PFKFB1: variants seen among roughly 807,000 people sequenced by gnomAD.
PFKFB1 encodes 6-phosphofructo-2-kinase/fructose-2,6-biphosphatase 1, also known as 6-phosphofructo-2-kinase/fructose-2,6-bisphosphatase 1.
In PFKFB1, 34 loss-of-function variants were observed where a neutral mutation model predicts 46.4. The ratio of observed to expected loss-of-function variants is 0.73; its 90% CI spans 0.56 to 0.98. The LOEUF is 0.98. Among genes scored for constraint, PFKFB1 ranks in the 50% least tolerant of loss-of-function variants. PFKFB1 has a pLI of 0.00. For synonymous variants in PFKFB1, 119 were observed against 133.8 expected, an observed-to-expected ratio of 0.89 and a Z score of 0.76; for missense variants, 393 against 376.3, an observed-to-expected ratio of 1.04 and a Z score of -0.37.
chrX:54,969,665 A>G (rs1934585495), intron 1 of PFKFB1, among the ~76,000 whole-genome samples: 1 of 112,180 alleles, frequency 8.9e-6, no homozygotes, highest in African/African-American at 3.2e-5. Context: ...TATTTACAAA[A>G]AATCTACAGC....
rs765578648 is a variant in PFKFB1, at chrX:54,933,848, G to A, written c.1329C>T (p.Ala443=). 1.9e-5 allele frequency: 23 copies of A among 1,207,895 alleles called. No homozygotes were observed. The highest frequency in any genetic ancestry group is 5.3e-5 in the African/African-American group (3 of 56,871). ...KVESIYLNVE[A]VNTHREKPEN... is the part of the protein sequence containing the mutation. ...CAGGCTTCTCCCGGTGTGTGTTCAC[G>A]GCCTCCACATTCAGGTAGATGGATT... The change falls in exon 13 of 14, where the codon GCC becomes GCT. Residue 443 remains alanine, a synonymous_variant. Transcript: ENST00000375006.
intron 1 of PFKFB1, among the ~76,000 whole-genome samples, chrX:54,991,417 GT>G (rs770595448): frequency 1.8e-4 from 20 of 111,169 alleles, no homozygotes; most frequent in African/African-American, 5.6e-4. Context: ...GATATACCGT[GT>G]TTAGGGAAGA....
chrX:54,961,371 TG>T (rs755527831), intron 2 of PFKFB1, among the ~76,000 whole-genome samples: 1 of 111,300 alleles, frequency 9.0e-6, no homozygotes, highest in Non-Finnish European at 1.9e-5. Context: ...AGATATAGAC[TG>T]GACCTCCTGA....
chrX:54,972,673 T>A (rs1306080847), intron 1 of PFKFB1, among the ~76,000 whole-genome samples: 25 of 111,853 alleles, frequency 2.2e-4, no homozygotes, highest in African/African-American at 8.1e-4. Context: ...TGGCCTTGCA[T>A]CCCAGGGATG....
chrX:54,957,439 G>A (rs1210595260), intron 6 of PFKFB1, among the ~76,000 whole-genome samples: 3 of 110,489 alleles, frequency 2.7e-5, no homozygotes, highest in Non-Finnish European at 5.7e-5. Context: ...TGCGCTCAAG[G>A]GAAGGACTCT....
At chrX:54,986,209 T>C in intron 1 of PFKFB1, among the ~76,000 whole-genome samples, 3 of 112,181 alleles carry the variant, frequency 2.7e-5, no homozygotes, top group African/African-American at 9.7e-5. Context: ...CCGAGCACTT[T>C]GGGAAACCAA....
At chrX:54,958,273 G>A (rs775315218) in intron 6 of PFKFB1, 33 bp downstream of exon 6, 1 of 1,042,922 alleles carries the variant, frequency 9.6e-7, no homozygotes, top group Admixed American at 2.2e-5. Flanking sequence ...GCCTAAGGCA[G>A]AGCAAAGTGG....
chrX:54,959,182 C>T (rs891112178), intron 4 of PFKFB1, among the ~76,000 whole-genome samples: 4 of 110,604 alleles, frequency 3.6e-5, no homozygotes, highest in Admixed American at 1.9e-4. Flanking sequence ...TTATTAGGGT[C>T]ATTTTATAGG....
chrX:54,958,978 C>T, intron 4 of PFKFB1, 53 bp from the exon 5 acceptor site: 3 of 779,552 alleles, frequency 3.8e-6, no homozygotes, highest in South Asian at 2.2e-5. Context: ...TAACAGAACA[C>T]CTACTCTTTG....
At chrX:54,994,532 A>G, upstream of PFKFB1, 1 of 754,589 alleles carries the variant, frequency 1.3e-6, no homozygotes, top group African/African-American at 2.3e-5. Context: ...GCTCCAACCC[A>G]GAAACCAAGA....
chrX:54,935,005 C>T lies in PFKFB1; in HGVS notation c.1233G>A (p.Glu411=), dbSNP rs1933338054. Residue 411 remains glutamate, a synonymous_variant, in exon 12 of 14, where the codon GAG becomes GAA. Transcript: ENST00000375006. ...GCAGAGGGCACTTGAGATATGGAAG[C>T]TCATCTAGAAAGGAACAGGAAGCAG... ...LAYFLDKSSD[E]LPYLKCPLHT... 1.0e-5 allele frequency: 12 copies of T among 1,200,295 alleles called. No homozygotes were observed. The highest frequency in any genetic ancestry group is 1.4e-5 in the Non-Finnish European group (12 of 887,751).
At chrX:54,940,352 C>CA (rs1933575185) in intron 10 of PFKFB1, among the ~76,000 whole-genome samples, 2 of 111,764 alleles carry the variant, frequency 1.8e-5, no homozygotes, top group African/African-American at 6.5e-5. Context: ...TGCCCTCTCT[C>CA]ACCACTCCTA....
intron 9 of PFKFB1, among the ~76,000 whole-genome samples, chrX:54,948,251 T>C (rs1274227063): frequency 9.0e-6 from 1 of 111,312 alleles, no homozygotes; most frequent in African/African-American, 3.3e-5. Flanking sequence ...ATTCCCAAAG[T>C]CCTTCTTCAT....
At chrX:54,984,821 G>A (rs1028535807) in intron 1 of PFKFB1, among the ~76,000 whole-genome samples, 2 of 111,152 alleles carry the variant, frequency 1.8e-5, no homozygotes, top group Non-Finnish European at 3.8e-5. Flanking sequence ...GAGGTTGGAG[G>A]ATCCCTTCCT....
chrX:54,956,366 T>A (rs1934140179), intron 6 of PFKFB1, 92 bp from the exon 7 acceptor site: 1 of 1,029,795 alleles, frequency 9.7e-7, no homozygotes, highest in African/African-American at 1.9e-5. Context: ...GAGTACAAGA[T>A]GCCTCATTAT....
Position 54,958,880 on chromosome X carries a change from G to C in PFKFB1, c.430C>G (p.Leu144Val). ...TAACCATGTTCTTTTGCAAACTGCA[G>C]GATCAGTGACCGTCGTTCTCTGGTA... ...NTTRERRSLI[L>V]QFAKEHGYKV... Residue 144 changes from leucine (L) to valine (V), a missense_variant, in exon 5 of 14, where the codon CTG becomes GTG. Physicochemically the swap from Leu to Val is conservative, Grantham distance 32 (BLOSUM62 1). Transcript: ENST00000375006. The C allele has an allele frequency of 8.3e-7, 1 of 1,199,182 alleles. No individual in the cohort carries two copies. Among genetic ancestry groups the C allele is most frequent in the African/African-American group, 1.7e-5 (1 of 57,453 alleles).
At chrX:54,988,479 C>A (rs1187292489) in intron 1 of PFKFB1, among the ~76,000 whole-genome samples, 2 of 111,302 alleles carry the variant, frequency 1.8e-5, no homozygotes, top group Non-Finnish European at 3.8e-5. Flanking sequence ...ATAAATTGGT[C>A]TTAAAATTTA....
upstream of PFKFB1, among the ~76,000 whole-genome samples, chrX:54,997,658 C>A: frequency 8.9e-6 from 1 of 111,739 alleles, no homozygotes; most frequent in Non-Finnish European, 1.9e-5. Context: ...CACACACTTA[C>A]AAGCTAGGTG....
intron 10 of PFKFB1, among the ~76,000 whole-genome samples, chrX:54,940,687 A>G (rs1307600915): frequency 9.0e-6 from 1 of 111,441 alleles, no homozygotes; most frequent in Non-Finnish European, 1.9e-5. Flanking sequence ...CTTACAAGGG[A>G]TGTGAAGGAC....
Sources: gnomAD v4.1 joint callset for allele counts (sites outside exome capture counted in the v4.1 genomes callset) on GRCh38, gnomAD v4.1.1 for gene constraint, MANE v1.5 for transcripts, NCBI Gene and HGNC (gene_info 2026-07-23, HGNC 2026-07-21) for gene names.